The following TRIM65 variants were observed in gnomAD, a reference collection of about 807,000 sequenced individuals.
TRIM65 encodes the protein tripartite motif containing 65.
A neutral mutation model predicts 36.1 loss-of-function variants in TRIM65; 46 were observed. The observed-to-expected ratio is 1.27, with a 90% CI of 1.01 to 1.63. The LOEUF is 1.63. Among genes scored for constraint, TRIM65 ranks in the 40% most tolerant of loss-of-function variants. The probability of loss-of-function intolerance (pLI) is 0.00; values close to 1 mark genes in which losing one functional copy is unlikely to be tolerated. For missense variants in TRIM65, 708 were observed against 696.6 expected (o/e 1.02, Z -0.18); for synonymous variants, 346 against 313.6 (o/e 1.10, Z -1.09).
At chr17:75,880,432 A>G (rs1262659501) in exon 5 of TRIM65, 1 of 148,862 alleles carries the variant, frequency 6.7e-6, no homozygotes, top group Admixed American at 6.6e-5. Context: ...TGCTAGGATT[A>G]CAGGCGTGAG....
chr17:75,890,531 A>T lies in TRIM65; in HGVS notation c.*248T>A. ...CACTGCTCTCGCCTCCCAGGCCCAG[A>T]CAGTACCTAGAACTGGGTTCTCTCT... On this transcript the variant is annotated 3_prime_UTR_variant, in exon 6 of 6. Coordinates refer to ENST00000269383, the MANE Select transcript of TRIM65 (RefSeq NM_173547.4). The T allele has an allele frequency of 2.4e-6, 1 of 415,590 alleles. No individual in the cohort carries two copies. The highest frequency in any genetic ancestry group is 4.2e-6 in the Non-Finnish European group (1 of 236,792). The allele number at this position is 415,590 out of a possible 1,614,324, so 25.7% of individuals were successfully genotyped here. A position where few individuals can be genotyped will look rare whatever the true frequency, so the allele number is the denominator to read the frequency against.
rs2065257002 is a variant in TRIM65 at position 75,891,025 on chromosome 17, G to A, written c.1308C>T (p.His436=). Residue 436 remains histidine (H), a synonymous_variant, in exon 6 of 6, where the codon CAC becomes CAT. Transcript: ENST00000269383. Reference sequence around the variant, plus strand: ...CTGGGAGGCGCTGGGCTTCCCCGTTGTGCCAGGCCTGGAGGCTGTCCTCCT... The same window carrying A: ...CTGGGAGGCGCTGGGCTTCCCCGTTATGCCAGGCCTGGAGGCTGTCCTCCT... The part of the protein sequence containing the change: ...CVQEDSLQAW[H]NGEAQRLPGV... 6.2e-7 allele frequency: 1 copy of A among 1,609,760 alleles called. No homozygotes were observed. The highest frequency in any genetic ancestry group is 1.3e-5 in the African/African-American group (1 of 74,932).
At chr17:75,882,971 C>G (rs1599443068) in intron 4 of TRIM65, among the ~76,000 whole-genome samples, 1 of 147,164 alleles carries the variant, frequency 6.8e-6, no homozygotes, top group African/African-American at 2.7e-5. Flanking sequence ...CATTAAGACC[C>G]TGTCTCTGGA....
At position 75,892,192 on chromosome 17, in the gene TRIM65, C is replaced by T. The variant is rs4398150; in HGVS notation, c.745-7G>A. On this transcript the variant is annotated splice_polypyrimidine_tract_variant and splice_region_variant and intron_variant, in intron 3 of 5. Coordinates refer to ENST00000269383, the MANE Select transcript of TRIM65 (RefSeq NM_173547.4). ...GCTGGAGGAGCTGCGATTCCTGAGC[C>T]CCAGGGAGAACAAGTAAGCCTGGGC... 0.1 allele frequency: 164,839 copies of T among 1,574,212 alleles called. 9,100 individuals carry two copies. Among genetic ancestry groups the T allele is most frequent in the African/African-American group, 0.17 (12,235 of 74,056 alleles).
At chr17:75,884,091 T>C (rs1029916773), downstream of TRIM65, among the ~76,000 whole-genome samples, 3 of 151,344 alleles carry the variant, frequency 2.0e-5, no homozygotes, top group African/African-American at 4.9e-5. Flanking sequence ...TGAGCCGAGA[T>C]TGGGCCACTG....
downstream of TRIM65, among the ~76,000 whole-genome samples, chr17:75,888,801 C>T (rs929101852): frequency 6.6e-6 from 1 of 152,158 alleles, no homozygotes; most frequent in East Asian, 1.9e-4. Flanking sequence ...AATCCAAGGC[C>T]CTGCCCTGCT....
intron 1 of TRIM65, among the ~76,000 whole-genome samples, chr17:75,894,829 G>A (rs1438088166): frequency 6.6e-6 from 1 of 152,220 alleles, no homozygotes; most frequent in African/African-American, 2.4e-5. Context: ...GCACCCGGTG[G>A]TGGCCAGGCT....
Position 75,896,618 on chromosome 17 carries a change from C to A in TRIM65, c.320G>T (p.Arg107Leu). 8.0e-7 allele frequency: 1 copy of A among 1,254,844 alleles called. No homozygotes were observed. Among genetic ancestry groups the A allele is most frequent in the Non-Finnish European group, 1.0e-6 (1 of 1,003,720 alleles). 77.7% of individuals were successfully genotyped at this position (1,254,844 alleles called of 1,614,324 possible). ...GCTGCACACACAGCGGCCCTCGGTC[C>A]GGCAGAAGAGCTCCAGCGGCCGCCC... ...RHGRPLELFC[R>L]TEGRCVCSVC... Residue 107 changes from arginine (R) to leucine (L), a missense_variant, in exon 1 of 6, where the codon CGG becomes CTG. Transcript: ENST00000269383.
intron 1 of TRIM65, among the ~76,000 whole-genome samples, chr17:75,895,261 T>C (rs1002695722): frequency 6.6e-6 from 1 of 152,158 alleles, no homozygotes; most frequent in Non-Finnish European, 1.5e-5. Flanking sequence ...TTGGTCTCCC[T>C]TCCCTGATCC....
chr17:75,894,762 C>T (rs1284080162), intron 1 of TRIM65, among the ~76,000 whole-genome samples: 1 of 152,232 alleles, frequency 6.6e-6, no homozygotes, highest in Non-Finnish European at 1.5e-5. Flanking sequence ...ATCTCCTGAC[C>T]TCGTGATCCA....
rs1288011926 is a variant in TRIM65, at chr17:75,890,085, A to G, written c.*694T>C. 6.6e-6 allele frequency: 1 copy of G among 152,158 alleles called. No homozygotes were observed. Among genetic ancestry groups the G allele is most frequent in the African/African-American group, 2.4e-5 (1 of 41,416 alleles). The allele number at this position is 152,158 out of a possible 1,614,324, so 9.4% of individuals were successfully genotyped here. A position where few individuals can be genotyped will look rare whatever the true frequency, so the allele number is the denominator to read the frequency against. On this transcript the variant is annotated 3_prime_UTR_variant, in exon 6 of 6. Coordinates refer to ENST00000269383, the MANE Select transcript of TRIM65 (RefSeq NM_173547.4). ...TTATGTTAAGTCAGGAAACTTCAGA[A>G]AACACTGTAATCTGAGCTACTCTGG...
At position 75,892,325 on chromosome 17, in the gene TRIM65, C is replaced by G; in HGVS notation, c.686G>C (p.Arg229Pro). The G allele has an allele frequency of 6.2e-7, 1 of 1,612,436 alleles. No individual in the cohort carries two copies. The highest frequency in any genetic ancestry group is 8.5e-7 in the Non-Finnish European group (1 of 1,179,898). ...GAGCTCCCGGATCCTGCAGCCATGGCGAGCCACAGCCTCCAAATGGACCCG... is the reference window on the plus strand; with the variant it reads ...GAGCTCCCGGATCCTGCAGCCATGGGGAGCCACAGCCTCCAAATGGACCCG... ...RLRVHLEAVARHGCRIRELLE... is the reference protein window; with the variant it reads ...RLRVHLEAVAPHGCRIRELLE... The change falls in exon 3 of 6, where the codon CGC (arginine) becomes CCC (proline). Residue 229 changes from arginine (R) to proline (P), a missense_variant. Arg to Pro is a moderately radical substitution (Grantham distance 103, BLOSUM62 -2). Transcript: ENST00000269383.
rs775302880 is a variant in TRIM65, at chr17:75,892,305, C to T, written c.706G>A (p.Glu236Lys). The change falls in exon 3 of 6, where the codon GAG (glutamate) becomes AAG (lysine). Residue 236 changes from glutamate (E) to lysine (K), a missense_variant. Transcript: ENST00000269383. ...TGCTCATCCACCTGCTCCAGGAGCT[C>T]CCGGATCCTGCAGCCATGGCGAGCC... ...AVARHGCRIR[E>K]LLEQVDEQTF... is the part of the protein sequence containing the mutation. 1 of 1,612,700 alleles carries T rather than the reference C, an allele frequency of 6.2e-7. No individual in the cohort carries two copies.
At position 75,896,898 on chromosome 17, in the gene TRIM65, T is replaced by G; in HGVS notation, c.40A>C (p.Ile14Leu). 3 of 1,519,794 alleles carry G rather than the reference T, an allele frequency of 2.0e-6. No homozygotes were observed. The highest frequency in any genetic ancestry group is 1.4e-5 in the African/African-American group (1 of 70,464). 94.1% of individuals were successfully genotyped at this position (1,519,794 alleles called of 1,614,324 possible). A position where few individuals can be genotyped will look rare whatever the true frequency, so the allele number is the denominator to read the frequency against. The change falls in exon 1 of 6, where the codon ATC becomes CTC. Residue 14 changes from isoleucine to leucine, a missense_variant. Transcript: ENST00000269383. ...GGGTCCTGGTAGAGCCCCAGGCAGA[T>G]GGCGCAGGTCAGCTTCTCCTCCAGC... ...QLLEEKLTCA[I>L]CLGLYQDPVT... is the part of the protein sequence containing the mutation.
chr17:75,892,437 C>G lies in TRIM65; in HGVS notation c.574G>C (p.Glu192Gln). The G allele has an allele frequency of 6.2e-7, 1 of 1,614,144 alleles. No homozygotes were observed. Among genetic ancestry groups the G allele is most frequent in the Non-Finnish European group, 8.5e-7 (1 of 1,180,016 alleles). ...CTCAGTGCTGTCGTGTGCTGTATTT[C>G]CAGGGCCTGTAGCAGGCTGCTGAAC... Reference protein sequence around the residue: ...GKFSSLLQALEIQHTTALRSI... With the variant: ...GKFSSLLQALQIQHTTALRSI... Residue 192 changes from glutamate (E) to glutamine (Q), a missense_variant, in exon 3 of 6, where the codon GAA becomes CAA. Physicochemically the swap from Glu to Gln is conservative, Grantham distance 29 (BLOSUM62 2). Transcript: ENST00000269383.
chr17:75,886,325 A>G (rs1206340346), downstream of TRIM65, among the ~76,000 whole-genome samples: 3 of 152,008 alleles, frequency 2.0e-5, no homozygotes, highest in East Asian at 5.8e-4. Flanking sequence ...GATCGAGACC[A>G]TCCTGGCTAA....
rs912487158 is a variant in TRIM65 at position 75,896,671 on chromosome 17, G to A, written c.267C>T (p.Pro89=). The change falls in exon 1 of 6, where the codon CCC becomes CCT. Residue 89 remains proline, a synonymous_variant. Transcript: ENST00000269383. ...RDPGPDPGPG[P]DPAARCPRHG... The stretch of plus-strand genomic sequence containing the variant: ...GGCGGGGGCAGCGCGCGGCAGGGTC[G>A]GGGCCGGGGCCGGGATCGGGGCCGG... The A allele has an allele frequency of 4.2e-5, 54 of 1,276,142 alleles. 1 individual carries two copies. The highest frequency in any genetic ancestry group is 5.0e-5 in the Non-Finnish European group (51 of 1,016,662). The allele number at this position is 1,276,142 out of a possible 1,614,324, so 79.1% of individuals were successfully genotyped here.
In TRIM65 at chr17:75,896,715, C is replaced by T. The variant is rs1441025922; in HGVS notation, c.223G>A (p.Ala75Thr). ...ALSGVLEVVR[A>T]GPARDPGPDP... ...GGGCCGGGATCCCGGGCGGGCCCGG[C>T]GCGCACCACCTCCAGCACGCCGCTG... Residue 75 changes from alanine to threonine, a missense_variant, in exon 1 of 6, where the codon GCC becomes ACC. Coordinates refer to ENST00000269383, the MANE Select transcript of TRIM65 (RefSeq NM_173547.4). 1.4e-6 allele frequency: 2 copies of T among 1,392,634 alleles called. No homozygotes were observed. The highest frequency in any genetic ancestry group is 6.2e-5 in the Admixed American group (2 of 32,102). 86.3% of individuals were successfully genotyped at this position (1,392,634 alleles called of 1,614,324 possible).
At position 75,892,331 on chromosome 17, in the gene TRIM65, ACAGCCT is replaced by A. The variant is rs745812124; in HGVS notation, c.674_679del (p.Glu225_Ala226del). Reference sequence around the variant, plus strand: ...CCGGATCCTGCAGCCATGGCGAGCCACAGCCTCCAAATGGACCCGCAGCCGCTGCTC... The same window carrying A: ...CCGGATCCTGCAGCCATGGCGAGCCACCAAATGGACCCGCAGCCGCTGCTC... On this transcript the variant is annotated inframe_deletion, in exon 3 of 6. Transcript: ENST00000269383. 1.2e-6 allele frequency: 2 copies of A among 1,613,024 alleles called. No homozygotes were observed. Among genetic ancestry groups the A allele is most frequent in the South Asian group, 2.2e-5 (2 of 91,044 alleles).
Sources: allele counts gnomAD v4.1 joint callset (sites outside exome capture counted in the v4.1 genomes callset), GRCh38; gene constraint gnomAD v4.1.1; transcripts MANE v1.5; gene names NCBI Gene and HGNC (gene_info 2026-07-23, HGNC 2026-07-21).